EPB41: variants seen among roughly 807,000 people sequenced by gnomAD.
EPB41 encodes the protein erythrocyte membrane protein band 4.1.
EPB41 carries 65 observed loss-of-function variants against 108.0 expected under a neutral mutation model. The ratio of observed to expected loss-of-function variants is 0.60; its 90% CI spans 0.49 to 0.74. The LOEUF (loss-of-function observed/expected upper bound fraction) is 0.74, where lower values mean the gene tolerates loss of function less well. Among genes scored for constraint, EPB41 ranks in the 30% least tolerant of loss-of-function variants. EPB41 has a pLI of 0.00. For synonymous variants in EPB41, 336 were observed against 358.9 expected (o/e 0.94, Z 0.72); for missense variants, 875 against 1,037.0 (o/e 0.84, Z 2.15).
chr1:28,920,551 A>G (rs1301941975), intron 1 of EPB41, among the ~76,000 whole-genome samples: 1 of 152,256 alleles, frequency 6.6e-6, no homozygotes, highest in Non-Finnish European at 1.5e-5. Flanking sequence ...GCATTAAATC[A>G]TAAAAAAGTT....
intron 7 of EPB41, among the ~76,000 whole-genome samples, chr1:29,027,251 C>T (rs181154708): frequency 2.6e-5 from 4 of 152,286 alleles, no homozygotes; most frequent in Admixed American, 6.5e-5. Context: ...CTACCTGCCT[C>T]AGCCTCCCAA....
Position 29,041,816 on chromosome 1 carries a change from A to G in EPB41, c.1636+2390A>G, listed in dbSNP as rs554196693. ...TATGAGCTATGTTCCTAGGCAAATT[A>G]CTTCATTTCTCTGTGCCTCAGTTTT... On this transcript the variant is annotated intron_variant, in intron 11 of 20. Transcript: ENST00000343067. 7.2e-5 allele frequency among the ~76,000 whole-genome samples: 11 copies of G among 152,298 alleles called. No individual in the cohort carries two copies. In the South Asian group the frequency reaches 1.9e-3, roughly 26 times the overall value.
intron 3 of EPB41, among the ~76,000 whole-genome samples, chr1:28,995,477 GC>G (rs1229594996): frequency 6.6e-6 from 1 of 152,104 alleles, no homozygotes; most frequent in Non-Finnish European, 1.5e-5. Context: ...CAGGAGAATC[GC>G]TTGAACCCAG....
At chr1:28,931,660 C>T (rs546935616) in intron 1 of EPB41, among the ~76,000 whole-genome samples, 10 of 151,356 alleles carry the variant, frequency 6.6e-5, no homozygotes, top group African/African-American at 2.4e-4. Context: ...TCCCGAGTAG[C>T]TGGGATTACA....
chr1:29,087,298 C>T (rs1206650664), intron 16 of EPB41, among the ~76,000 whole-genome samples: 1 of 151,980 alleles, frequency 6.6e-6, no homozygotes, highest in Non-Finnish European at 1.5e-5. Flanking sequence ...CAAAAATAAC[C>T]TGAAAAGAAA....
At chr1:29,052,849 C>T (rs1644755679) in intron 11 of EPB41, among the ~76,000 whole-genome samples, 1 of 152,072 alleles carries the variant, frequency 6.6e-6, no homozygotes, top group South Asian at 2.1e-4. Flanking sequence ...TCTTGTCTCC[C>T]CTGAATTCAG....
At position 29,117,090 on chromosome 1, in the gene EPB41, G is replaced by A. The variant is rs1001915744; in HGVS notation, c.*278G>A. On this transcript the variant is annotated 3_prime_UTR_variant, in exon 21 of 21. Coordinates refer to ENST00000343067, the MANE Select transcript of EPB41 (RefSeq NM_001376013.1). The stretch of plus-strand genomic sequence containing the variant: ...AGAGTTTTGGGGTTTTTTTAATTGG[G>A]TGGTTTGTAACCCCTTCAGCCTAGC... 6.6e-6 allele frequency: 1 copy of A among 151,964 alleles called. No homozygotes were observed. Among genetic ancestry groups the A allele is most frequent in the African/African-American group, 2.4e-5 (1 of 41,324 alleles). The allele number at this position is 151,964 out of a possible 1,614,324, so 9.4% of individuals were successfully genotyped here. A position where few individuals can be genotyped will look rare whatever the true frequency, so the allele number is the denominator to read the frequency against.
intron 1 of EPB41, among the ~76,000 whole-genome samples, chr1:28,940,418 G>A (rs2094228807): frequency 1.3e-5 from 2 of 152,164 alleles, no homozygotes; most frequent in Non-Finnish European, 1.5e-5. Flanking sequence ...TTGGGAGGCC[G>A]AGGTGGGCGG....
intron 12 of EPB41, among the ~76,000 whole-genome samples, chr1:29,057,407 T>C (rs1005795569): frequency 2.6e-5 from 3 of 117,608 alleles, no homozygotes; most frequent in African/African-American, 9.1e-5. Context: ...GAAAAAGAAA[T>C]AACCCCAAAC....
chr1:28,911,589 T>C (rs1200746841), upstream of EPB41, among the ~76,000 whole-genome samples: 1 of 152,226 alleles, frequency 6.6e-6, no homozygotes, highest in Non-Finnish European at 1.5e-5. Flanking sequence ...GTGGAGATGG[T>C]AAACCACTGG....
upstream of EPB41, among the ~76,000 whole-genome samples, chr1:28,914,129 G>A (rs1185241925): frequency 2.0e-5 from 3 of 152,216 alleles, no homozygotes; most frequent in Non-Finnish European, 4.4e-5. Context: ...CGTTTAGGGG[G>A]AGTCAGTTGG....
chr1:29,104,968 C>CCT (rs1232565285), intron 17 of EPB41, among the ~76,000 whole-genome samples: 3 of 152,098 alleles, frequency 2.0e-5, no homozygotes, highest in Non-Finnish European at 4.4e-5. Flanking sequence ...AGCAATCCTC[C>CCT]CTCCTCAGCC....
At chr1:28,933,344 A>G (rs2093841925) in intron 1 of EPB41, among the ~76,000 whole-genome samples, 2 of 152,222 alleles carry the variant, frequency 1.3e-5, no homozygotes, top group Non-Finnish European at 2.9e-5. Context: ...TTTTCCTTTT[A>G]TGAATCATAA....
chr1:29,092,801 TA>T (rs1661768278), intron 16 of EPB41, among the ~76,000 whole-genome samples: 1 of 152,144 alleles, frequency 6.6e-6, no homozygotes, highest in Admixed American at 6.6e-5. Context: ...GAACATGCAG[TA>T]TTTGCTTTTA....
At chr1:28,965,815 G>A (rs2095342475) in intron 1 of EPB41, among the ~76,000 whole-genome samples, 2 of 152,236 alleles carry the variant, frequency 1.3e-5, no homozygotes, top group Admixed American at 6.5e-5. Flanking sequence ...AAACTTTAGC[G>A]TTTTCAAAGT....
chr1:29,077,725 CTG>C (rs1397410775), intron 16 of EPB41, among the ~76,000 whole-genome samples: 1 of 152,116 alleles, frequency 6.6e-6, no homozygotes, highest in African/African-American at 2.4e-5. Flanking sequence ...GCTATATGGT[CTG>C]TCACAACCAC....
In EPB41 at chr1:28,887,476, C is replaced by A. The variant is rs2089549963; in HGVS notation, c.-8+266C>A. The A allele has an allele frequency of 4.1e-6, 4 of 985,270 alleles. No individual in the cohort carries two copies. The highest frequency in any genetic ancestry group is 4.8e-6 in the Non-Finnish European group (4 of 829,872). 61.0% of individuals were successfully genotyped at this position (985,270 alleles called of 1,614,324 possible). A position where few individuals can be genotyped will look rare whatever the true frequency, so the allele number is the denominator to read the frequency against. On this transcript the variant is annotated intron_variant, in intron 1 of 16. Transcript: ENST00000347529. The surrounding 1 kb of genome is among the most constrained non-coding windows in gnomAD (Gnocchi z 4.9). Reference sequence around the variant, plus strand: ...GGGAGCTCGGATCCGGAGCTAGACACGTCCGGGTCCGGCCGGTCCTGGCTG... The same window carrying A: ...GGGAGCTCGGATCCGGAGCTAGACAAGTCCGGGTCCGGCCGGTCCTGGCTG...
chr1:28,921,398 T>A (rs2093057299), intron 1 of EPB41, among the ~76,000 whole-genome samples: 1 of 152,246 alleles, frequency 6.6e-6, no homozygotes, highest in East Asian at 1.9e-4. Context: ...TCATACAGAT[T>A]GTTGAAATTC....
chr1:29,065,171 T>C lies in EPB41; in HGVS notation c.2184+13T>C. The C allele has an allele frequency of 1.3e-6, 2 of 1,563,046 alleles. No individual in the cohort carries two copies. Among genetic ancestry groups the C allele is most frequent in the Non-Finnish European group, 8.7e-7 (1 of 1,153,708 alleles). Reference sequence around the variant, plus strand: ...CACAGGAGAAGGAGTGAGTACTTTGTCCACATGACCAATTGTGAAAATGGA... The same window carrying C: ...CACAGGAGAAGGAGTGAGTACTTTGCCCACATGACCAATTGTGAAAATGGA... On this transcript the variant is annotated intron_variant, in intron 16 of 20. Transcript: ENST00000343067.
Sources: gnomAD v4.1 joint callset for allele counts (sites outside exome capture counted in the v4.1 genomes callset) on GRCh38, gnomAD v4.1.1 for gene constraint, Gnocchi (gnomAD v3.1) non-coding constraint, MANE v1.5 for transcripts, NCBI Gene and HGNC (gene_info 2026-07-23, HGNC 2026-07-21) for gene names.